The following MGAT4D variants were observed in gnomAD, a reference collection of about 807,000 sequenced individuals.
MGAT4D encodes the protein MGAT4 family member D.
Under a neutral mutation model 15.9 loss-of-function variants are expected in MGAT4D, and 34 were observed. The ratio of observed to expected loss-of-function variants is 2.14; its 90% CI spans 1.62 to 2.84. MGAT4D has a LOEUF of 2.84. MGAT4D is among the 30% of genes most tolerant of loss of function. MGAT4D has a pLI of 0.00. For synonymous variants in MGAT4D, 112 were observed against 48.2 expected, an observed-to-expected ratio of 2.33 and a Z score of -5.49; for missense variants, 327 against 140.2, an observed-to-expected ratio of 2.33 and a Z score of -6.73.
chr4:140,472,274 G>C (rs1732014593), intron 4 of MGAT4D, among the ~76,000 whole-genome samples: 1 of 152,058 alleles, frequency 6.6e-6, no homozygotes, highest in East Asian at 1.9e-4. Context: ...GTATTACTCA[G>C]CTTGATTCCA....
At chr4:140,462,276 C>T (rs976484621) in intron 6 of MGAT4D, among the ~76,000 whole-genome samples, 3 of 152,076 alleles carry the variant, frequency 2.0e-5, no homozygotes, top group Non-Finnish European at 4.4e-5. Flanking sequence ...AAGTTTTGAT[C>T]TAGATAATAG....
At chr4:140,498,055 T>A (rs1218588403) in intron 1 of MGAT4D, 74 bp downstream of exon 1, 6 of 665,966 alleles carry the variant, frequency 9.0e-6, no homozygotes, top group Non-Finnish European at 1.6e-5. Flanking sequence ...CCGCCGACCC[T>A]GCCCCGCCTG....
chr4:140,471,645 G>T lies in MGAT4D; in HGVS notation c.572+130C>A, dbSNP rs1432154230. The T allele has an allele frequency of 1.5e-5, 4 of 267,054 alleles. No individual in the cohort carries two copies. The East Asian group carries it at 2.2e-4, about 14-fold the overall frequency. 16.5% of individuals were successfully genotyped at this position (267,054 alleles called of 1,614,324 possible). A position where few individuals can be genotyped will look rare whatever the true frequency, so the allele number is the denominator to read the frequency against. ...CATCACAGCTTAGAAAGGACTACAG[G>T]TTCTTTCTGCCAGCTATACTCATTA... On this transcript the variant is annotated intron_variant, in intron 5 of 10. Coordinates refer to ENST00000511113, the MANE Select transcript of MGAT4D (RefSeq NM_001277353.2).
chr4:140,461,357 A>C (rs7677762), intron 7 of MGAT4D, among the ~76,000 whole-genome samples: 7,831 of 152,228 alleles, frequency 0.051, 242 homozygotes, highest in Middle Eastern at 0.095. Flanking sequence ...GAATGAGAGC[A>C]CATTGTCTAT....
intron 10 of MGAT4D, among the ~76,000 whole-genome samples, chr4:140,447,653 T>C (rs1730218015): frequency 6.6e-6 from 1 of 152,190 alleles, no homozygotes; most frequent in Non-Finnish European, 1.5e-5. Context: ...ACTTGCTTTT[T>C]TATCCAGCTT....
chr4:140,454,446 G>C (rs978731952), intron 9 of MGAT4D, among the ~76,000 whole-genome samples: 4 of 152,040 alleles, frequency 2.6e-5, no homozygotes, highest in Non-Finnish European at 5.9e-5. Context: ...GTATTCATAG[G>C]ATAAATACCA....
At chr4:140,444,180 C>T (rs1280408199) in intron 10 of MGAT4D, among the ~76,000 whole-genome samples, 1 of 152,072 alleles carries the variant, frequency 6.6e-6, no homozygotes. Context: ...AAGTCAAGGG[C>T]ATGACCTTAA....
In MGAT4D at chr4:140,451,390, G is replaced by A. The variant is rs1296638374; in HGVS notation, c.1116+20C>T. 1 of 575,342 alleles carries A rather than the reference G, an allele frequency of 1.7e-6. No individual in the cohort carries two copies. The highest frequency in any genetic ancestry group is 2.9e-5 in the Admixed American group (1 of 34,766). The allele number at this position is 575,342 out of a possible 1,614,324, so 35.6% of individuals were successfully genotyped here. A position where few individuals can be genotyped will look rare whatever the true frequency, so the allele number is the denominator to read the frequency against. ...TTATAAAACATTGTATGTTACTAAA[G>A]TTACATTTCAAAATCTTACTTTTTC... On this transcript the variant is annotated intron_variant, in intron 10 of 10. Coordinates refer to ENST00000511113, the MANE Select transcript of MGAT4D (RefSeq NM_001277353.2).
intron 1 of MGAT4D, among the ~76,000 whole-genome samples, chr4:140,487,405 C>T (rs755461458): frequency 1.3e-5 from 2 of 152,196 alleles, no homozygotes; most frequent in African/African-American, 4.8e-5. Context: ...GTGCCTCTCA[C>T]AGCAAGGCTC....
chr4:140,458,378 T>G lies in MGAT4D; in HGVS notation c.877+1134A>C, dbSNP rs1578652481. 2.0e-5 allele frequency: 3 copies of G among 152,258 alleles called. No individual in the cohort carries two copies. In the South Asian group the frequency reaches 6.2e-4, roughly 32 times the overall value. 9.4% of individuals were successfully genotyped at this position (152,258 alleles called of 1,614,324 possible). On this transcript the variant is annotated intron_variant, in intron 8 of 10. Transcript: ENST00000511113. ...CCTTGCCTTGCCTTCTGATGATAAA[T>G]CCACATGACATTTAACAAAAGTAGG...
At chr4:140,454,569 C>T (rs932421608) in intron 9 of MGAT4D, among the ~76,000 whole-genome samples, 4 of 151,920 alleles carry the variant, frequency 2.6e-5, no homozygotes, top group Non-Finnish European at 5.9e-5. Flanking sequence ...TCCCTTTTTG[C>T]TCTGTTTTTG....
intron 5 of MGAT4D, 75 bp downstream of exon 5, chr4:140,471,700 A>G: frequency 3.1e-6 from 1 of 327,338 alleles, no homozygotes. Flanking sequence ...GAAAATAATT[A>G]TACAATTGGA....
intron 2 of MGAT4D, among the ~76,000 whole-genome samples, chr4:140,479,862 C>T (rs1732582384): frequency 6.6e-6 from 1 of 151,862 alleles, no homozygotes; most frequent in Non-Finnish European, 1.5e-5. Context: ...TTATAAGATA[C>T]ACAGAGGACA....
chr4:140,443,081 C>A lies in MGAT4D; in HGVS notation c.*355G>T, dbSNP rs1055814341. 2.6e-5 allele frequency: 4 copies of A among 156,048 alleles called. No individual in the cohort carries two copies. Among genetic ancestry groups the A allele is most frequent in the African/African-American group, 9.6e-5 (4 of 41,612 alleles). The allele number at this position is 156,048 out of a possible 1,614,324, so 9.7% of individuals were successfully genotyped here. The stretch of plus-strand genomic sequence containing the variant: ...TAACAAAATGGATAACGGCATATAC[C>A]AATTCACCCCAAACTTCTCCCTGAC... On this transcript the variant is annotated 3_prime_UTR_variant, in exon 11 of 11. Coordinates refer to ENST00000511113, the MANE Select transcript of MGAT4D (RefSeq NM_001277353.2).
intron 10 of MGAT4D, among the ~76,000 whole-genome samples, chr4:140,450,746 C>T (rs1033079364): frequency 6.6e-6 from 1 of 152,108 alleles, no homozygotes; most frequent in Admixed American, 6.6e-5. Flanking sequence ...TGGAAGAAAC[C>T]TGAAGGATCA....
chr4:140,495,446 G>T (rs540986230), intron 1 of MGAT4D, among the ~76,000 whole-genome samples: 1 of 152,270 alleles, frequency 6.6e-6, no homozygotes, highest in African/African-American at 2.4e-5. Context: ...CGTTCACTTG[G>T]TGCCTACAAC....
chr4:140,451,677 G>T (rs1730482429), intron 9 of MGAT4D, among the ~76,000 whole-genome samples, 160 bp from the exon 10 acceptor site: 1 of 151,952 alleles, frequency 6.6e-6, no homozygotes, highest in Non-Finnish European at 1.5e-5. Context: ...TTCTTCATAA[G>T]AATAGAGCAA....
chr4:140,483,079 G>A (rs1337022745), intron 1 of MGAT4D, among the ~76,000 whole-genome samples: 1 of 151,974 alleles, frequency 6.6e-6, no homozygotes, highest in Non-Finnish European at 1.5e-5. Context: ...TGTTATCTGG[G>A]GAAAATTGCT....
Position 140,479,524 on chromosome 4 carries a change from A to T in MGAT4D, c.357T>A (p.Tyr119Ter). 1 of 557,030 alleles carries T rather than the reference A, an allele frequency of 1.8e-6. No individual in the cohort carries two copies. Among genetic ancestry groups the T allele is most frequent in the Non-Finnish European group, 3.2e-6 (1 of 315,836 alleles). 34.5% of individuals were successfully genotyped at this position (557,030 alleles called of 1,614,324 possible). A position where few individuals can be genotyped will look rare whatever the true frequency, so the allele number is the denominator to read the frequency against. Residue 119 changes from tyrosine to a stop codon, truncating the protein, a stop_gained, in exon 3 of 11, where the codon TAT (tyrosine) becomes TAA (stop). Transcript: ENST00000511113. LOFTEE classifies it high-confidence loss of function. ...TCCCTTTGCCAATGATTACATCAGG[A>T]TAAATTCTACCTTCTTTCCTTAGAT... ...FPHLRKEGRIYPDVIIGKGKT... is the reference protein window; with the variant it reads ...FPHLRKEGRI
Sources: gnomAD v4.1 joint callset for allele counts (sites outside exome capture counted in the v4.1 genomes callset) on GRCh38, gnomAD v4.1.1 for gene constraint, MANE v1.5 for transcripts, NCBI Gene and HGNC (gene_info 2026-07-23, HGNC 2026-07-21) for gene names.